WNK2: variants seen among roughly 807,000 people sequenced by gnomAD.
WNK2 encodes the protein serine/threonine-protein kinase WNK2.
Under a neutral mutation model 192.1 loss-of-function variants are expected in WNK2, and 67 were observed. That is an observed-to-expected ratio of 0.35 (90% CI 0.29 to 0.43). WNK2 has a LOEUF of 0.43. Among genes scored for constraint, WNK2 ranks in the 20% least tolerant of loss-of-function variants. The pLI, the probability that WNK2 is intolerant of heterozygous loss-of-function variation, is 1.00. For synonymous variants in WNK2, 1,439 were observed against 1,393.9 expected (o/e 1.03, Z -0.72); for missense variants, 2,698 against 3,089.7 (o/e 0.87, Z 3.01).
intron 26 of WNK2, among the ~76,000 whole-genome samples, chr9:93,306,353 G>A (rs1337744887): frequency 1.3e-5 from 2 of 152,224 alleles, no homozygotes; most frequent in Non-Finnish European, 2.9e-5. Context: ...AAGCCCAGCT[G>A]TGCCCAGCTC....
rs1456594752 is a variant in WNK2 at position 93,239,839 on chromosome 9, G to A, written c.1405G>A (p.Gly469Ser). 1 of 1,594,952 alleles carries A rather than the reference G, an allele frequency of 6.3e-7. No homozygotes were observed. Among genetic ancestry groups the A allele is most frequent in the Non-Finnish European group, 8.5e-7 (1 of 1,171,374 alleles). The change falls in exon 7 of 30, where the codon GGC becomes AGC. Residue 469 changes from glycine (G) to serine (S), a missense_variant. Gly to Ser is a moderately conservative substitution (Grantham distance 56, BLOSUM62 0). This residue lies in a region of WNK2 where 230 missense variants were observed against 501.1 expected (regional missense o/e 0.46). Transcript: ENST00000427277. This position sits in a 1 kb window ranked among gnomAD's most constrained non-coding sequence, Gnocchi z 4.2. ...VRVELAEEDH[G>S]RKSTIALRLW... The stretch of plus-strand genomic sequence containing the variant: ...GGTGGAGCTCGCGGAGGAGGACCAC[G>A]GCAGGAAGTCCACCATCGCCCTGAG...
At chr9:93,221,967 G>T (rs1449158629) in intron 2 of WNK2, among the ~76,000 whole-genome samples, 1 of 152,174 alleles carries the variant, frequency 6.6e-6, no homozygotes, top group African/African-American at 2.4e-5. Flanking sequence ...ATAAAATGCT[G>T]GAAATGGCAT....
chr9:93,273,469 TAA>T (rs1485043289), intron 19 of WNK2, among the ~76,000 whole-genome samples: 3 of 152,216 alleles, frequency 2.0e-5, no homozygotes, highest in Non-Finnish European at 4.4e-5. Flanking sequence ...TACGTATTTA[TAA>T]AGAGTAAATT....
chr9:93,209,582 G>T (rs1834111159), intron 2 of WNK2, among the ~76,000 whole-genome samples: 1 of 152,204 alleles, frequency 6.6e-6, no homozygotes, highest in Admixed American at 6.5e-5. Flanking sequence ...GTTCTGTAGG[G>T]TTTTGGGGTG....
intron 28 of WNK2, 124 bp from the exon 29 acceptor site, chr9:93,317,396 A>ACAG: frequency 1.2e-6 from 1 of 859,724 alleles, no homozygotes; most frequent in Non-Finnish European, 1.8e-6. Context: ...GGTGCCTGTC[A>ACAG]CAGCAGGTTC....
chr9:93,206,646 G>A (rs1033646029), intron 2 of WNK2, among the ~76,000 whole-genome samples: 3 of 152,326 alleles, frequency 2.0e-5, no homozygotes, highest in Middle Eastern at 3.4e-3. Context: ...GCAGACGTGT[G>A]CTTGGCCCTC....
chr9:93,319,175 C>T, intron 29 of WNK2: 2 of 1,613,884 alleles, frequency 1.2e-6, no homozygotes, highest in Non-Finnish European at 1.7e-6. Context: ...GATTGTATAT[C>T]TGAAGGAGAA....
rs867230290 is a variant in WNK2, at chr9:93,230,849, G to A, written c.855-39G>A. The A allele has an allele frequency of 3.8e-6, 6 of 1,586,392 alleles. No individual in the cohort carries two copies. The Admixed American group carries it at 7.0e-5, about 19-fold the overall frequency. On this transcript the variant is annotated intron_variant, in intron 3 of 29. Coordinates refer to ENST00000427277, the MANE Select transcript of WNK2 (RefSeq NM_006648.4). The stretch of plus-strand genomic sequence containing the variant: ...GGGCTTTGCTAGGGGGCCGCTGCCG[G>A]CGAGCTGCTTGGTGAGCTGTGCCCG...
chr9:93,234,693 A>G, intron 4 of WNK2, 115 bp from the exon 5 acceptor site: 2 of 1,248,192 alleles, frequency 1.6e-6, no homozygotes, highest in Non-Finnish European at 1.1e-6. Flanking sequence ...TGAGTGTGCC[A>G]TGGGATGTGG....
At position 93,278,347 on chromosome 9, in the gene WNK2, A is replaced by G. The variant is rs1255230377; in HGVS notation, c.4033+9601A>G. On this transcript the variant is annotated intron_variant, in intron 19 of 29. Transcript: ENST00000427277. ...TTTCGCAGAGCACTGTGTGTGAGGAAACTCACCCAGGCTGAGGAATGACCC... is the reference window on the plus strand; with the variant it reads ...TTTCGCAGAGCACTGTGTGTGAGGAGACTCACCCAGGCTGAGGAATGACCC... Among the ~76,000 whole-genome samples the G allele has an allele frequency of 2.6e-5, 4 of 152,166 alleles. No individual in the cohort carries two copies. The East Asian group carries it at 7.7e-4, about 29-fold the overall frequency.
intron 2 of WNK2, among the ~76,000 whole-genome samples, chr9:93,220,301 C>G (rs1317573938): frequency 1.3e-5 from 2 of 152,162 alleles, no homozygotes; most frequent in African/African-American, 4.8e-5. Flanking sequence ...TCCACCCCGT[C>G]TCTCTGATTG....
At chr9:93,303,873 G>T (rs1388405586) in intron 26 of WNK2, among the ~76,000 whole-genome samples, 1 of 152,208 alleles carries the variant, frequency 6.6e-6, no homozygotes, top group African/African-American at 2.4e-5. Context: ...CTTAAAAGGG[G>T]TTTTGTCCCT....
At chr9:93,306,493 C>G in intron 26 of WNK2, 2 of 405,812 alleles carry the variant, frequency 4.9e-6, no homozygotes, top group Non-Finnish European at 8.7e-6. Context: ...TTTTCTTTCT[C>G]TTTTACTTTT....
At chr9:93,285,348 T>C (rs190407648) in intron 19 of WNK2, among the ~76,000 whole-genome samples, 1 of 152,338 alleles carries the variant, frequency 6.6e-6, no homozygotes, top group East Asian at 1.9e-4. Context: ...AACATGATTA[T>C]ATACATAGAG....
intron 19 of WNK2, among the ~76,000 whole-genome samples, chr9:93,286,971 C>T (rs778023488): frequency 2.3e-4 from 35 of 152,130 alleles, no homozygotes; most frequent in Non-Finnish European, 2.6e-4. Flanking sequence ...CAAAAACAGT[C>T]AAAGCAGAGA....
chr9:93,235,293 C>T (rs1839612057), intron 5 of WNK2, among the ~76,000 whole-genome samples: 1 of 152,196 alleles, frequency 6.6e-6, no homozygotes, highest in African/African-American at 2.4e-5. Flanking sequence ...TTCACCATAG[C>T]CCCCTGCCTG....
rs367895218 is a variant in WNK2, at chr9:93,259,309, C to T, written c.2761C>T (p.Pro921Ser). 1 of 1,613,556 alleles carries T rather than the reference C, an allele frequency of 6.2e-7. No individual in the cohort carries two copies. ...CCCAGCGGCCTTCCCACAGATGGCG[C>T]CTACTGACGTCCCTCCTTCCCCCCA... Reference protein sequence around the residue: ...VYPAAFPQMAPTDVPPSPHHT... With the variant: ...VYPAAFPQMASTDVPPSPHHT... The change falls in exon 12 of 30, where the codon CCT becomes TCT. Residue 921 changes from proline (P) to serine (S), a missense_variant. By Grantham distance (74) the Pro-to-Ser change is moderately conservative (BLOSUM62 -1). Coordinates refer to ENST00000427277, the MANE Select transcript of WNK2 (RefSeq NM_006648.4). This position sits in a 1 kb window ranked among gnomAD's most constrained non-coding sequence, Gnocchi z 4.8.
chr9:93,211,622 T>G (rs964832811), intron 2 of WNK2, among the ~76,000 whole-genome samples: 1 of 149,044 alleles, frequency 6.7e-6, no homozygotes, highest in African/African-American at 2.5e-5. Flanking sequence ...ACTCATTCAC[T>G]CACCCACCCA....
intron 8 of WNK2, among the ~76,000 whole-genome samples, chr9:93,250,338 AAC>A (rs1305930489): frequency 6.6e-6 from 1 of 152,224 alleles, no homozygotes; most frequent in Non-Finnish European, 1.5e-5. Flanking sequence ...CACAAATGTG[AAC>A]ACATTCACCT....
Sources: allele counts gnomAD v4.1 joint callset (sites outside exome capture counted in the v4.1 genomes callset), GRCh38; gene constraint gnomAD v4.1.1; regional missense constraint gnomAD v4.1.1; non-coding constraint Gnocchi (gnomAD v3.1); transcripts MANE v1.5; gene names NCBI Gene and HGNC (gene_info 2026-07-23, HGNC 2026-07-21).